BCR: variants seen among roughly 807,000 people sequenced by gnomAD.
BCR encodes the protein BCR activator of RhoGEF and GTPase.
Under a neutral mutation model 138.6 loss-of-function variants are expected in BCR, and 58 were observed. That is an observed-to-expected ratio of 0.42 (90% confidence interval 0.34 to 0.52). The LOEUF is 0.52. BCR is among the 20% of genes least tolerant of loss of function. The pLI, the probability that BCR is intolerant of heterozygous loss-of-function variation, is 0.06. For synonymous variants in BCR, 786 were observed against 730.1 expected (o/e 1.08, Z -1.23); for missense variants, 1,599 against 1,727.2 (o/e 0.93, Z 1.32).
chr22:23,309,546 C>G, intron 17 of BCR, 63 bp downstream of exon 17: 1 of 1,460,440 alleles, frequency 6.8e-7, no homozygotes, highest in Non-Finnish European at 9.4e-7. Flanking sequence ...GGCCTCTGTT[C>G]ATTTCAAATC....
chr22:23,252,557 A>G (rs2073243378), intron 1 of BCR, among the ~76,000 whole-genome samples: 1 of 150,296 alleles, frequency 6.7e-6, no homozygotes, highest in African/African-American at 2.5e-5. Flanking sequence ...CAGCCTCCTG[A>G]GTAGCTGGGA....
chr22:23,258,838 A>T (rs1284227392), intron 2 of BCR, among the ~76,000 whole-genome samples: 1 of 152,202 alleles, frequency 6.6e-6, no homozygotes, highest in East Asian at 1.9e-4. Context: ...AAAGTGGGAA[A>T]GTGAGTGATC....
At chr22:23,236,550 C>T (rs780921065) in intron 1 of BCR, among the ~76,000 whole-genome samples, 28 of 152,210 alleles carry the variant, frequency 1.8e-4, no homozygotes, top group Non-Finnish European at 3.4e-4. Context: ...AACAGGGCAA[C>T]GCACACCTAC....
At chr22:23,208,945 A>G (rs900709920) in intron 1 of BCR, among the ~76,000 whole-genome samples, 1 of 152,138 alleles carries the variant, frequency 6.6e-6, no homozygotes, top group African/African-American at 2.4e-5. Context: ...TTCTGTATGG[A>G]TTTGGCTAAT....
At position 23,313,053 on chromosome 22, in the gene BCR, A is replaced by G. The variant is rs776328187; in HGVS notation, c.3457+32A>G. 49 of 1,543,910 alleles carry G rather than the reference A, an allele frequency of 3.2e-5. 1 individual carries two copies. Among genetic ancestry groups the G allele is most frequent in the Middle Eastern group, 2.3e-4 (1 of 4,362 alleles). On this transcript the variant is annotated intron_variant, in intron 20 of 22. Coordinates refer to ENST00000305877, the MANE Select transcript of BCR (RefSeq NM_004327.4). ...ACTGGAGGCCTTGGCCTCATGGGAG[A>G]CGTCTCCTCCACGTGCACTGCTGCC...
intron 2 of BCR, among the ~76,000 whole-genome samples, chr22:23,256,035 C>T (rs577706749): frequency 4.2e-4 from 64 of 152,334 alleles, no homozygotes; most frequent in African/African-American, 1.4e-3. Context: ...TGGAGACAAG[C>T]ATAGCCTTGA....
chr22:23,182,673 A>G (rs1424220373), intron 1 of BCR, among the ~76,000 whole-genome samples: 1 of 152,200 alleles, frequency 6.6e-6, no homozygotes, highest in African/African-American at 2.4e-5. Flanking sequence ...TGTCTTGGGC[A>G]TTCCCCGCCA....
chr22:23,272,511 C>T (rs944604900), intron 6 of BCR, among the ~76,000 whole-genome samples: 3 of 152,176 alleles, frequency 2.0e-5, no homozygotes, highest in African/African-American at 7.2e-5. Flanking sequence ...CTGGCCAGGG[C>T]TCCCACCATG....
In BCR at chr22:23,235,794, G is replaced by A. The variant is rs573328028; in HGVS notation, c.1280-18005G>A. On this transcript the variant is annotated intron_variant, in intron 1 of 22. Transcript: ENST00000305877. ...GAGTCTGCCAAGGGCCCACTTCCTG[G>A]TTCTTAGCCATCTTCTTGCTGTGTT... Among the ~76,000 whole-genome samples the A allele has an allele frequency of 5.3e-5, 8 of 152,284 alleles. No individual in the cohort carries two copies. The East Asian group carries it at 1.5e-3, about 29-fold the overall frequency.
At chr22:23,212,192 A>G (rs1237201341) in intron 1 of BCR, among the ~76,000 whole-genome samples, 1 of 151,878 alleles carries the variant, frequency 6.6e-6, no homozygotes, top group Non-Finnish European at 1.5e-5. Flanking sequence ...CGGGCTGGAG[A>G]GAGGAGAGAA....
chr22:23,288,473 A>G (rs918924420), intron 12 of BCR, among the ~76,000 whole-genome samples: 3 of 129,240 alleles, frequency 2.3e-5, no homozygotes, highest in African/African-American at 9.0e-5. Context: ...GCCCCTACAC[A>G]CACCCCTGCC....
At chr22:23,273,004 C>A in intron 6 of BCR, 77 bp from the exon 7 acceptor site, 1 of 1,525,090 alleles carries the variant, frequency 6.6e-7, no homozygotes, top group Non-Finnish European at 9.1e-7. Context: ...CCCCACTCAC[C>A]CTTGCACCGA....
chr22:23,308,643 A>C (rs1424507585), intron 16 of BCR, among the ~76,000 whole-genome samples: 1 of 152,102 alleles, frequency 6.6e-6, no homozygotes, highest in Admixed American at 6.6e-5. Flanking sequence ...CTGCTCATTC[A>C]CCCAGCCCAG....
At chr22:23,250,309 G>A (rs141356094) in intron 1 of BCR, among the ~76,000 whole-genome samples, 30 of 152,358 alleles carry the variant, frequency 2.0e-4, no homozygotes, top group African/African-American at 6.0e-4. Context: ...ATGTGTTGAT[G>A]TCTTAAGATC....
Position 23,311,721 on chromosome 22 carries a change from C to T in BCR, c.3207C>T (p.Tyr1069=), listed in dbSNP as rs138762891. The change falls in exon 19 of 23, where the codon TAC becomes TAT. Residue 1069 remains tyrosine (Y), a synonymous_variant. Transcript: ENST00000305877. ...GGAGAGAGAGGTCCAAGGTGCCCTACATCGTGCGCCAGTGCGTGGAGGAGA... is the reference window on the plus strand; with the variant it reads ...GGAGAGAGAGGTCCAAGGTGCCCTATATCGTGCGCCAGTGCGTGGAGGAGA... The part of the protein sequence containing the change: ...VTKRERSKVP[Y]IVRQCVEEIE... 11 of 1,610,526 alleles carry T rather than the reference C, an allele frequency of 6.8e-6. No individual in the cohort carries two copies. The African/African-American group carries it at 1.1e-4, about 16-fold the overall frequency.
chr22:23,184,380 C>T lies in BCR; in HGVS notation c.1279+2141C>T, dbSNP rs184445745. Among the ~76,000 whole-genome samples the T allele has an allele frequency of 3.3e-3, 509 of 152,252 alleles. 4 individuals are homozygous for T. The highest frequency in any genetic ancestry group is 5.2e-3 in the Non-Finnish European group (357 of 68,030). On this transcript the variant is annotated intron_variant, in intron 1 of 22. Transcript: ENST00000305877. ...AGCTGGGGTTACAGGGATGAGACAC[C>T]TCACCAGGCCTCTTAGACGTTTTTA...
intron 8 of BCR, among the ~76,000 whole-genome samples, chr22:23,280,935 C>A (rs1449934304): frequency 6.6e-6 from 1 of 152,248 alleles, no homozygotes; most frequent in African/African-American, 2.4e-5. Context: ...ACAGGCCTGA[C>A]ACGCACAGGA....
intron 8 of BCR, among the ~76,000 whole-genome samples, chr22:23,278,880 G>T (rs112774125): frequency 1.6e-3 from 238 of 152,338 alleles, no homozygotes; most frequent in African/African-American, 5.5e-3. Context: ...AACAGAAGCT[G>T]TAAGTGCAAG....
intron 1 of BCR, among the ~76,000 whole-genome samples, chr22:23,222,961 A>ATG (rs2072843473): frequency 1.3e-5 from 2 of 152,170 alleles, no homozygotes; most frequent in Admixed American, 1.3e-4. Flanking sequence ...TACAGATTAC[A>ATG]TGTTAGATAA....
Sources: allele counts gnomAD v4.1 joint callset (sites outside exome capture counted in the v4.1 genomes callset), GRCh38; gene constraint gnomAD v4.1.1; transcripts MANE v1.5; gene names NCBI Gene and HGNC (gene_info 2026-07-23, HGNC 2026-07-21).